The following FERRY3 variants were observed in gnomAD, a reference collection of about 807,000 sequenced individuals.
FERRY3 encodes protein C12orf4.
the FERRY3 span, among the ~76,000 whole-genome samples, chr12:4,506,703 G>A: frequency 6.6e-6 from 1 of 152,088 alleles, no homozygotes; most frequent in African/African-American, 2.4e-5. Flanking sequence ...GTAATAGTAA[G>A]AAGATGGCTA....
the FERRY3 span, chr12:4,502,217 G>T: frequency 3.2e-6 from 1 of 311,526 alleles, no homozygotes; most frequent in Non-Finnish European, 6.2e-6. This position sits in a 1 kb window ranked among gnomAD's most constrained non-coding sequence, Gnocchi z 4.2. Context: ...ATTCTTTTAT[G>T]TACATATTAT....
At chr12:4,502,467 G>A in the FERRY3 span, 14 of 445,914 alleles carry the variant, frequency 3.1e-5, no homozygotes, top group Middle Eastern at 3.8e-4. The surrounding 1 kb of genome is among the most constrained non-coding windows in gnomAD (Gnocchi z 4.2). Context: ...TCATCAGCTT[G>A]TATTTTCTGT....
the FERRY3 span, among the ~76,000 whole-genome samples, chr12:4,516,736 T>C: frequency 6.6e-5 from 10 of 152,110 alleles, no homozygotes; most frequent in East Asian, 1.9e-4. Flanking sequence ...TCAGGAAGAA[T>C]AGGTAATAGA....
chr12:4,527,148 A>T, the FERRY3 span, among the ~76,000 whole-genome samples: 1 of 152,126 alleles, frequency 6.6e-6, no homozygotes, highest in African/African-American at 2.4e-5. Flanking sequence ...TACATTACAC[A>T]TGTTCCCTCT....
the FERRY3 span, among the ~76,000 whole-genome samples, chr12:4,494,568 A>G: frequency 6.6e-6 from 1 of 152,266 alleles, no homozygotes; most frequent in South Asian, 2.1e-4. Context: ...TGTTTCAACA[A>G]CACTGAAAAG....
At chr12:4,500,407 ATAAG>A in the FERRY3 span, 2 of 1,406,984 alleles carry the variant, frequency 1.4e-6, no homozygotes, top group East Asian at 2.4e-5. Flanking sequence ...AATGGGCTTT[ATAAG>A]TAAGTGTAAT....
chr12:4,527,367 T>G, the FERRY3 span, among the ~76,000 whole-genome samples: 1 of 152,144 alleles, frequency 6.6e-6, no homozygotes. Context: ...TTTTCTATGA[T>G]TAAGATAGAA....
chr12:4,517,285 C>A, the FERRY3 span: 1 of 1,162,380 alleles, frequency 8.6e-7, no homozygotes, highest in Non-Finnish European at 1.1e-6. Context: ...GAAAATAATA[C>A]TTATTTTTCT....
At chr12:4,498,556 AAAC>A in the FERRY3 span, among the ~76,000 whole-genome samples, 1 of 152,246 alleles carries the variant, frequency 6.6e-6, no homozygotes, top group Non-Finnish European at 1.5e-5. Context: ...CTCCTAATCA[AAAC>A]AACAACGTGC....
At chr12:4,488,359 T>G in the FERRY3 span, 1 of 152,246 alleles carries the variant, frequency 6.6e-6, no homozygotes, top group Non-Finnish European at 1.5e-5. The surrounding 1 kb of genome is among the most constrained non-coding windows in gnomAD (Gnocchi z 4.9). Context: ...CTTCCCTGCT[T>G]TGCATTAGAA....
the FERRY3 span, chr12:4,536,141 T>G: frequency 1.2e-6 from 2 of 1,604,372 alleles, no homozygotes; most frequent in Non-Finnish European, 1.7e-6. Flanking sequence ...CTACTTTAAA[T>G]TTATATACAA....
the FERRY3 span, among the ~76,000 whole-genome samples, chr12:4,498,176 A>T: frequency 0.15 from 22,532 of 152,164 alleles, 2,120 homozygotes; most frequent in African/African-American, 0.26. Context: ...TGTCTGGAAG[A>T]AAATCTGAAC....
At chr12:4,537,869 T>C in the FERRY3 span, among the ~76,000 whole-genome samples, 3 of 152,168 alleles carry the variant, frequency 2.0e-5, no homozygotes, top group South Asian at 6.2e-4. Flanking sequence ...ATATGTTCGC[T>C]AAAGTACACC....
chr12:4,505,277 A>G, the FERRY3 span: 4 of 1,384,416 alleles, frequency 2.9e-6, no homozygotes, highest in Non-Finnish European at 4.1e-6. Flanking sequence ...ATAAGAAAAC[A>G]GTAATTTAAA....
At chr12:4,526,547 A>T in the FERRY3 span, among the ~76,000 whole-genome samples, 8 of 152,188 alleles carry the variant, frequency 5.3e-5, no homozygotes, top group Non-Finnish European at 7.4e-5. Flanking sequence ...ATTGCTCTTA[A>T]GAGTGAATTT....
chr12:4,525,306 A>C, the FERRY3 span: 1 of 1,613,552 alleles, frequency 6.2e-7, no homozygotes, highest in Non-Finnish European at 8.5e-7. Context: ...TTTATTACCC[A>C]TTCTTGATAC....
the FERRY3 span, among the ~76,000 whole-genome samples, chr12:4,493,725 C>T: frequency 6.6e-6 from 1 of 152,230 alleles, no homozygotes; most frequent in African/African-American, 2.4e-5. Context: ...CATGGAGGGA[C>T]AAGTGTTTGG....
At chr12:4,524,431 A>G in the FERRY3 span, among the ~76,000 whole-genome samples, 1 of 152,042 alleles carries the variant, frequency 6.6e-6, no homozygotes, top group Non-Finnish European at 1.5e-5. Flanking sequence ...CTGTCCATCC[A>G]TTCATCCCAT....
chr12:4,508,022 T>TA, the FERRY3 span, among the ~76,000 whole-genome samples: 1 of 152,178 alleles, frequency 6.6e-6, no homozygotes, highest in South Asian at 2.1e-4. Flanking sequence ...TTTACCTATT[T>TA]AAAAAATGAT....
Sources: allele counts gnomAD v4.1 joint callset (sites outside exome capture counted in the v4.1 genomes callset), GRCh38; gene constraint gnomAD v4.1.1; non-coding constraint Gnocchi (gnomAD v3.1); transcripts MANE v1.5; gene names NCBI Gene and HGNC (gene_info 2026-07-23, HGNC 2026-07-21).